Variants in IWS1 observed in about 807,000 individuals in gnomAD.
The protein encoded by IWS1 is interacts with SUPT6H, CTD assembly factor 1, also known as protein IWS1 homolog.
Under a neutral mutation model 86.7 loss-of-function variants are expected in IWS1, and 27 were observed. The observed-to-expected ratio is 0.31, with a 90% confidence interval of 0.23 to 0.43. The LOEUF is 0.43. Ranked by LOEUF, IWS1 falls within the 20% of genes least tolerant of loss-of-function variation. The probability of loss-of-function intolerance (pLI) is 1.00; values close to 1 mark genes in which losing one functional copy is unlikely to be tolerated. For synonymous variants in IWS1, 313 were observed against 335.1 expected (o/e 0.93, Z 0.72); for missense variants, 827 against 1,000.8 (o/e 0.83, Z 2.34).
intron 2 of IWS1, among the ~76,000 whole-genome samples, chr2:127,517,851 T>C (rs760032556): frequency 4.6e-5 from 7 of 152,142 alleles, no homozygotes; most frequent in South Asian, 2.1e-4. Flanking sequence ...AAGCAAAATA[T>C]AGTATATCCA....
chr2:127,504,927 T>A lies in IWS1; in HGVS notation c.976A>T (p.Lys326Ter). 6.2e-7 allele frequency: 1 copy of A among 1,614,228 alleles called. No homozygotes were observed. The highest frequency in any genetic ancestry group is 2.2e-5 in the East Asian group (1 of 44,884). The change falls in exon 3 of 14, where the codon AAG becomes TAG. Residue 326 changes from lysine to a stop codon, truncating the protein, a stop_gained. Transcript: ENST00000295321. LOFTEE classifies it high-confidence loss of function. ...TCGCTGTCATCATCTGACTCTGGCT[T>A]CTGTTTGTGTCTGGACGCATCCTCA... ...ETEDASRHKQ[K>*]PESDDDSDRE...
intron 2 of IWS1, among the ~76,000 whole-genome samples, chr2:127,511,654 T>C (rs927566316): frequency 6.6e-6 from 1 of 151,856 alleles, no homozygotes; most frequent in African/African-American, 2.4e-5. Flanking sequence ...TCTGTAAAAA[T>C]GTATCTTTTA....
intron 3 of IWS1, 33 bp downstream of exon 3, chr2:127,504,651 G>T: frequency 7.0e-7 from 1 of 1,421,646 alleles, no homozygotes; most frequent in Non-Finnish European, 9.7e-7. Flanking sequence ...AATGAATAAA[G>T]CCATTGATAA....
intron 2 of IWS1, among the ~76,000 whole-genome samples, chr2:127,522,869 C>T (rs1473128286): frequency 6.6e-6 from 1 of 152,146 alleles, no homozygotes; most frequent in African/African-American, 2.4e-5. Flanking sequence ...AAAATGTACA[C>T]AAAACCCAAT....
chr2:127,501,929 CTTCT>C (rs1168526252), intron 5 of IWS1: 3 of 150,262 alleles, frequency 2.0e-5, no homozygotes, highest in African/African-American at 7.5e-5. Flanking sequence ...CCAAATTTGC[CTTCT>C]TTTTGTTTGC....
intron 10 of IWS1, among the ~76,000 whole-genome samples, chr2:127,490,561 A>G (rs1690172185): frequency 1.3e-5 from 2 of 152,214 alleles, no homozygotes; most frequent in African/African-American, 4.8e-5. Context: ...CATTTAATAC[A>G]CTATAAAAAC....
In IWS1 at chr2:127,508,261, G is replaced by C. The variant is rs1691250783; in HGVS notation, c.151-2509C>G. On this transcript the variant is annotated intron_variant, in intron 2 of 13. Coordinates refer to ENST00000295321, the MANE Select transcript of IWS1 (RefSeq NM_017969.3). The stretch of plus-strand genomic sequence containing the variant: ...TGATGAGGAGCCAGCCAAGCATACT[G>C]TAACAGTATAGTGTGACATGCACTA... 2.0e-5 allele frequency among the ~76,000 whole-genome samples: 3 copies of C among 152,272 alleles called. 1 individual carries two copies. The South Asian group carries it at 6.2e-4, about 32-fold the overall frequency.
At chr2:127,503,702 AAAT>A (rs1553435802) in intron 3 of IWS1, 126 bp from the exon 4 acceptor site, 16 of 331,250 alleles carry the variant, frequency 4.8e-5, no homozygotes, top group Non-Finnish European at 6.9e-5. Context: ...ATAAATAAAT[AAAT>A]AAAATAAAAT....
At position 127,526,190 on chromosome 2, in the gene IWS1, T is replaced by C; in HGVS notation, c.19A>G (p.Ser7Gly). The C allele has an allele frequency of 6.3e-7, 1 of 1,597,352 alleles. No homozygotes were observed. The highest frequency in any genetic ancestry group is 8.5e-7 in the Non-Finnish European group (1 of 1,172,448). The change falls in exon 1 of 14, where the codon AGC becomes GGC. Residue 7 changes from serine (S) to glycine (G), a missense_variant. This residue lies in a region of IWS1 where 548 missense variants were observed against 560.2 expected (regional missense o/e 0.98). Coordinates refer to ENST00000295321, the MANE Select transcript of IWS1 (RefSeq NM_017969.3). MDSEYYSGDQSDDGGAT... is the reference protein window; with the variant it reads MDSEYYGGDQSDDGGAT... ...CCTGCCCCACCTGACTGGTCGCCGC[T>C]GTAATATTCCGAGTCCATGGCAGGC...
At chr2:127,507,860 TA>T (rs1249565514) in intron 2 of IWS1, among the ~76,000 whole-genome samples, 1 of 152,176 alleles carries the variant, frequency 6.6e-6, no homozygotes, top group Non-Finnish European at 1.5e-5. Flanking sequence ...ATTCCACACA[TA>T]AGCACCCAAC....
Position 127,523,658 on chromosome 2 carries a change from ATGT to A in IWS1, c.150+15_150+17del. 1 of 1,523,332 alleles carries A rather than the reference ATGT, an allele frequency of 6.6e-7. No homozygotes were observed. Among genetic ancestry groups the A allele is most frequent in the Non-Finnish European group, 9.1e-7 (1 of 1,101,544 alleles). The allele number at this position is 1,523,332 out of a possible 1,614,324, so 94.4% of individuals were successfully genotyped here. On this transcript the variant is annotated intron_variant, in intron 2 of 13. Transcript: ENST00000295321. ...ACGCAAGGGAAAAGCCCTCCCAAAG[ATGT>A]TGGTTAGCCAATACCTCTGAATGAC... is the stretch of plus-strand genomic sequence containing the variant.
At chr2:127,486,206 C>G (rs1689921601) in intron 13 of IWS1, among the ~76,000 whole-genome samples, 1 of 152,006 alleles carries the variant, frequency 6.6e-6, no homozygotes. Context: ...AGCACGTAAG[C>G]TCTGTTTCTC....
At chr2:127,523,568 G>A in intron 2 of IWS1, 108 bp downstream of exon 2, 1 of 717,392 alleles carries the variant, frequency 1.4e-6, no homozygotes, top group Non-Finnish European at 2.4e-6. Flanking sequence ...TTTACTCTCA[G>A]AGATTAAACC....
intron 7 of IWS1, among the ~76,000 whole-genome samples, chr2:127,495,258 G>T (rs1405492405): frequency 6.6e-6 from 1 of 152,024 alleles, no homozygotes; most frequent in Non-Finnish European, 1.5e-5. Flanking sequence ...AATTAAAACT[G>T]GGAAATTCTG....
intron 2 of IWS1, among the ~76,000 whole-genome samples, chr2:127,519,508 GTAAATAC>G (rs1297112536): frequency 2.0e-5 from 3 of 151,286 alleles, no homozygotes; most frequent in Non-Finnish European, 4.4e-5. Context: ...TGTGCACTGA[GTAAATAC>G]TATAGGTGAA....
Position 127,504,997 on chromosome 2 carries a change from A to T in IWS1, c.906T>A (p.Ser302=). 6.2e-7 allele frequency: 1 copy of T among 1,613,840 alleles called. No homozygotes were observed. Among genetic ancestry groups the T allele is most frequent in the Non-Finnish European group, 8.5e-7 (1 of 1,179,958 alleles). ...EELPKPRVSD[S]ESEGPQKGPA... is the part of the protein sequence containing the mutation. Reference sequence around the variant, plus strand: ...GCCCCTTCTGAGGCCCCTCACTCTCAGAGTCACTGACTCGGGGTTTGGGTA... The same window carrying T: ...GCCCCTTCTGAGGCCCCTCACTCTCTGAGTCACTGACTCGGGGTTTGGGTA... Residue 302 remains serine (S), a synonymous_variant, in exon 3 of 14, where the codon TCT becomes TCA. Transcript: ENST00000295321.
rs554809197 is a variant in IWS1 at position 127,509,577 on chromosome 2, G to A, written c.151-3825C>T. ...CAAAAAATTAGCTGAGTGTGGTGGC[G>A]CACTCCTGTAGTCCCAGCTACTTGA... On this transcript the variant is annotated intron_variant, in intron 2 of 13. Coordinates refer to ENST00000295321, the MANE Select transcript of IWS1 (RefSeq NM_017969.3). Among the ~76,000 whole-genome samples, 16 of 151,970 alleles carry A rather than the reference G, an allele frequency of 1.1e-4. No individual in the cohort carries two copies. In the East Asian group the frequency reaches 1.2e-3, roughly 11 times the overall value.
Position 127,505,675 on chromosome 2 carries a change from A to C in IWS1, c.228T>G (p.Asn76Lys). ...CACTTTCAGAGTCACTAGCATTAAG[A>C]TTTAAGGGCTCATCGTTCTCAGAGT... ...VTDSENDEPL[N>K]LNASDSESEE... The change falls in exon 3 of 14, where the codon AAT (asparagine) becomes AAG (lysine). Residue 76 changes from asparagine (N) to lysine (K), a missense_variant. Physicochemically the swap from Asn to Lys is moderately conservative, Grantham distance 94. Coordinates refer to ENST00000295321, the MANE Select transcript of IWS1 (RefSeq NM_017969.3). This position sits in a 1 kb window ranked among gnomAD's most constrained non-coding sequence, Gnocchi z 5.0. 6.2e-7 allele frequency: 1 copy of C among 1,613,806 alleles called. No homozygotes were observed. Among genetic ancestry groups the C allele is most frequent in the Non-Finnish European group, 8.5e-7 (1 of 1,179,952 alleles).
At chr2:127,519,359 GT>G (rs11336494) in intron 2 of IWS1, among the ~76,000 whole-genome samples, 132,053 of 151,656 alleles carry the variant, frequency 0.87, 57,731 homozygotes, top group East Asian at 1. Flanking sequence ...GAAAAAATAA[GT>G]TTTTTTTTTA....
Sources: gnomAD v4.1 joint callset for allele counts (sites outside exome capture counted in the v4.1 genomes callset) on GRCh38, gnomAD v4.1.1 for gene constraint, gnomAD v4.1.1 regional missense constraint, Gnocchi (gnomAD v3.1) non-coding constraint, MANE v1.5 for transcripts, NCBI Gene and HGNC (gene_info 2026-07-23, HGNC 2026-07-21) for gene names.